Variants in NCAM2 observed in about 807,000 individuals in gnomAD.
The protein encoded by NCAM2 is neural cell adhesion molecule 2.
Under a neutral mutation model 98.1 loss-of-function variants are expected in NCAM2, and 30 were observed. The observed-to-expected ratio is 0.31, with a 90% CI of 0.23 to 0.41. The LOEUF is 0.41. Ranked by LOEUF, NCAM2 falls within the 10% of genes least tolerant of loss-of-function variation. NCAM2 has a pLI of 1.00. For synonymous variants in NCAM2, 368 were observed against 342.4 expected (o/e 1.07, Z -0.83); for missense variants, 867 against 1,005.8 (o/e 0.86, Z 1.87).
chr21:21,059,843 CA>C (rs1423633374), intron 1 of NCAM2, among the ~76,000 whole-genome samples: 2 of 152,044 alleles, frequency 1.3e-5, no homozygotes, highest in East Asian at 3.9e-4. Flanking sequence ...AAATATGCTA[CA>C]GGGAAAGCAC....
At chr21:21,121,007 C>T (rs891325772) in intron 1 of NCAM2, among the ~76,000 whole-genome samples, 5 of 152,096 alleles carry the variant, frequency 3.3e-5, no homozygotes, top group East Asian at 1.9e-4. Context: ...TGAGCCACCG[C>T]GCCCGGCCAT....
chr21:21,113,263 T>C (rs1176471081), intron 1 of NCAM2, among the ~76,000 whole-genome samples: 3 of 152,220 alleles, frequency 2.0e-5, no homozygotes, highest in South Asian at 4.1e-4. Context: ...TGCTGCTCCT[T>C]AGCAGGAATC....
intron 1 of NCAM2, among the ~76,000 whole-genome samples, chr21:21,087,508 G>T (rs1024467136): frequency 6.6e-6 from 1 of 152,096 alleles, no homozygotes; most frequent in Non-Finnish European, 1.5e-5. Context: ...CTAAGGGGTC[G>T]CAACAGCTTT....
chr21:21,418,447 A>G (rs2145956805), intron 10 of NCAM2, 26 bp from the exon 11 acceptor site: 2 of 1,529,446 alleles, frequency 1.3e-6, no homozygotes, highest in Middle Eastern at 2.1e-4. Context: ...TTAGAATTGT[A>G]ACATTTGTTA....
At chr21:21,024,905 GT>G in intron 1 of NCAM2, among the ~76,000 whole-genome samples, 1 of 150,788 alleles carries the variant, frequency 6.6e-6, no homozygotes, top group South Asian at 2.1e-4. Context: ...AAAAAAAAAA[GT>G]GTACAGTACG....
intron 1 of NCAM2, among the ~76,000 whole-genome samples, chr21:21,231,445 A>T (rs2826741): frequency 0.52 from 79,132 of 150,914 alleles, 21,174 homozygotes; most frequent in South Asian, 0.61. Flanking sequence ...AAAATTAAAT[A>T]TAACTGCCAA....
intron 12 of NCAM2, among the ~76,000 whole-genome samples, chr21:21,452,565 GTA>G (rs1293791458): frequency 1.0e-5 from 1 of 95,832 alleles, no homozygotes; most frequent in East Asian, 2.4e-4. Flanking sequence ...ACTATATATA[GTA>G]TATATATTGT....
chr21:21,269,370 G>A (rs914142235), intron 1 of NCAM2, among the ~76,000 whole-genome samples: 2 of 152,104 alleles, frequency 1.3e-5, no homozygotes, highest in East Asian at 3.9e-4. Flanking sequence ...TGGCTACATC[G>A]CAGCACACTT....
At chr21:21,519,605 C>A (rs959864121) in intron 16 of NCAM2, among the ~76,000 whole-genome samples, 3 of 151,948 alleles carry the variant, frequency 2.0e-5, no homozygotes, top group Non-Finnish European at 4.4e-5. Context: ...GTTTTTAAAA[C>A]CTGCTGAGTT....
chr21:21,223,492 C>A (rs2070254850), intron 1 of NCAM2: 1 of 152,050 alleles, frequency 6.6e-6, no homozygotes, highest in East Asian at 1.9e-4. Context: ...GAATAAATTG[C>A]AAGGAAAATA....
At chr21:21,312,755 C>T (rs9983106) in intron 5 of NCAM2, among the ~76,000 whole-genome samples, 43,504 of 151,540 alleles carry the variant, frequency 0.29, 6,519 homozygotes, top group East Asian at 0.38. Flanking sequence ...AAAACATTCC[C>T]TCCTCTTATA....
chr21:21,410,503 C>A (rs1970410072), intron 10 of NCAM2, 42 bp downstream of exon 10: 1 of 1,106,236 alleles, frequency 9.0e-7, no homozygotes, highest in Non-Finnish European at 1.2e-6. Context: ...ATTATTTTAA[C>A]AACTATCTAC....
intron 1 of NCAM2, among the ~76,000 whole-genome samples, chr21:21,252,721 ATAAAG>A (rs562908818): frequency 2.6e-5 from 4 of 152,154 alleles, no homozygotes; most frequent in Non-Finnish European, 4.4e-5. Context: ...AGTAGCCAAA[ATAAAG>A]TAAAGTGAAA....
At chr21:21,344,778 C>T (rs1037583730) in intron 8 of NCAM2, among the ~76,000 whole-genome samples, 9 of 152,108 alleles carry the variant, frequency 5.9e-5, no homozygotes, top group African/African-American at 1.4e-4. Context: ...AAGCCTTGAG[C>T]GAGCATAGGC....
chr21:21,430,748 A>T (rs541805001), intron 11 of NCAM2, among the ~76,000 whole-genome samples: 43 of 151,996 alleles, frequency 2.8e-4, no homozygotes, highest in African/African-American at 1.0e-3. Context: ...GGATTATGGG[A>T]ATTAAAAATC....
chr21:21,288,733 GATTACA>G (rs2073189163), intron 4 of NCAM2, among the ~76,000 whole-genome samples: 1 of 151,720 alleles, frequency 6.6e-6, no homozygotes, highest in South Asian at 2.1e-4. Context: ...ATAAGATCAA[GATTACA>G]ATTATGTATG....
intron 8 of NCAM2, among the ~76,000 whole-genome samples, chr21:21,362,449 A>G (rs189850187): frequency 6.6e-6 from 1 of 151,402 alleles, no homozygotes; most frequent in South Asian, 2.1e-4. Context: ...GGCTGAGTAC[A>G]GTGCTGCAAT....
intron 9 of NCAM2, among the ~76,000 whole-genome samples, chr21:21,381,867 A>G (rs764144833): frequency 8.6e-5 from 13 of 151,852 alleles, no homozygotes; most frequent in Non-Finnish European, 1.8e-4. Context: ...TTTCTTCTCC[A>G]TTTCTTGTAG....
chr21:21,128,648 T>C (rs1176767516), intron 1 of NCAM2, among the ~76,000 whole-genome samples: 1 of 152,176 alleles, frequency 6.6e-6, no homozygotes, highest in Non-Finnish European at 1.5e-5. Context: ...TTTAATTTGA[T>C]TCTGAGTGAA....
Sources: gnomAD v4.1 joint callset for allele counts (sites outside exome capture counted in the v4.1 genomes callset) on GRCh38, gnomAD v4.1.1 for gene constraint, MANE v1.5 for transcripts, NCBI Gene and HGNC (gene_info 2026-07-23, HGNC 2026-07-21) for gene names.